Variants in PXDNL observed in about 807,000 individuals in gnomAD.
PXDNL encodes peroxidasin like.
In PXDNL, 145 loss-of-function variants were observed where a neutral mutation model predicts 150.8. That is an observed-to-expected ratio of 0.96 (90% CI 0.84 to 1.10). The LOEUF (loss-of-function observed/expected upper bound fraction) is 1.10, where lower values mean the gene tolerates loss of function less well. Ranked by LOEUF, PXDNL falls within the 50% of genes least tolerant of loss-of-function variation. PXDNL has a pLI of 0.00. For missense variants in PXDNL, 2,087 were observed against 1,873.9 expected (o/e 1.11, Z -2.10); for synonymous variants, 757 against 725.7 (o/e 1.04, Z -0.69).
At chr8:51,509,775 A>C (rs1275398511) in intron 4 of PXDNL, among the ~76,000 whole-genome samples, 1 of 135,064 alleles carries the variant, frequency 7.4e-6, no homozygotes. Context: ...CACACACACA[A>C]ATATATACAC....
intron 13 of PXDNL, 128 bp from the exon 14 acceptor site, chr8:51,423,859 G>A (rs1809020873): frequency 1.4e-6 from 1 of 734,390 alleles, no homozygotes; most frequent in South Asian, 2.6e-5. Flanking sequence ...GTCAAGTACT[G>A]GAGGAGATAC....
chr8:51,325,028 G>A (rs112492853), intron 21 of PXDNL, among the ~76,000 whole-genome samples: 2,976 of 152,144 alleles, frequency 0.02, 48 homozygotes, highest in South Asian at 0.04. Flanking sequence ...ACCACACCCG[G>A]CTAATTTTTG....
chr8:51,742,918 T>C (rs1307187098), intron 1 of PXDNL, among the ~76,000 whole-genome samples: 1 of 152,180 alleles, frequency 6.6e-6, no homozygotes, highest in East Asian at 1.9e-4. Flanking sequence ...TTTGGAATCA[T>C]TGGAGCCTGT....
rs191712379 is a variant in PXDNL at position 51,506,821 on chromosome 8, A to C, written c.381-7051T>G. 2.1e-3 allele frequency among the ~76,000 whole-genome samples: 322 copies of C among 152,262 alleles called. 1 individual carries two copies. The highest frequency in any genetic ancestry group is 7.0e-3 in the African/African-American group (292 of 41,554). ...TCATCAATGTCTTCTCACTGTCTTT[A>C]GCAGGAATTCAAGGCTTTTCAAGAT... On this transcript the variant is annotated intron_variant, in intron 4 of 22. Coordinates refer to ENST00000356297, the MANE Select transcript of PXDNL (RefSeq NM_144651.5).
At chr8:51,694,380 A>G (rs893347882) in intron 1 of PXDNL, among the ~76,000 whole-genome samples, 4 of 152,156 alleles carry the variant, frequency 2.6e-5, no homozygotes, top group African/African-American at 9.7e-5. Context: ...CAAAAAAAAA[A>G]AGGGTTTCAC....
At chr8:51,645,134 G>A (rs1182058477) in intron 2 of PXDNL, among the ~76,000 whole-genome samples, 1 of 152,084 alleles carries the variant, frequency 6.6e-6, no homozygotes, top group African/African-American at 2.4e-5. Flanking sequence ...TGAAGTCTGA[G>A]AGCCAGGAGA....
At chr8:51,432,167 A>G (rs1809264024) in intron 12 of PXDNL, among the ~76,000 whole-genome samples, 1 of 152,162 alleles carries the variant, frequency 6.6e-6, no homozygotes, top group Non-Finnish European at 1.5e-5. Flanking sequence ...AGGGTGATGT[A>G]AAGATGTAAT....
intron 2 of PXDNL, among the ~76,000 whole-genome samples, chr8:51,594,000 C>CA (rs1813506525): frequency 5.3e-5 from 8 of 152,284 alleles, no homozygotes; most frequent in African/African-American, 1.9e-4. Flanking sequence ...CAAACCTTGT[C>CA]CTGGGAGAAT....
chr8:51,479,904 C>G (rs1810563632), intron 6 of PXDNL, among the ~76,000 whole-genome samples: 1 of 152,032 alleles, frequency 6.6e-6, no homozygotes, highest in African/African-American at 2.4e-5. Flanking sequence ...ATGACCATAT[C>G]CAAGACTTTT....
intron 1 of PXDNL, among the ~76,000 whole-genome samples, chr8:51,713,690 A>C (rs1816546531): frequency 6.6e-6 from 1 of 152,242 alleles, no homozygotes; most frequent in Non-Finnish European, 1.5e-5. Context: ...AAAGTAGAAA[A>C]AAAATTCAAT....
intron 1 of PXDNL, among the ~76,000 whole-genome samples, chr8:51,670,131 G>A (rs1481493860): frequency 6.6e-6 from 1 of 151,938 alleles, no homozygotes; most frequent in South Asian, 2.1e-4. Context: ...CCAGCTACTC[G>A]GGCAGCTGAG....
At chr8:51,366,293 A>T (rs578143194) in intron 19 of PXDNL, among the ~76,000 whole-genome samples, 2 of 152,316 alleles carry the variant, frequency 1.3e-5, no homozygotes, top group Non-Finnish European at 2.9e-5. Context: ...AAGGCAGCCA[A>T]CTCTTCAAAT....
Position 51,326,654 on chromosome 8 carries a change from A to C in PXDNL, c.4147-5757T>G, listed in dbSNP as rs117223124. Among the ~76,000 whole-genome samples, 1,428 of 152,028 alleles carry C rather than the reference A, an allele frequency of 9.4e-3. 11 individuals are homozygous for C. The highest frequency in any genetic ancestry group is 0.015 in the Non-Finnish European group (1,026 of 68,030). On this transcript the variant is annotated intron_variant, in intron 21 of 22. Coordinates refer to ENST00000356297, the MANE Select transcript of PXDNL (RefSeq NM_144651.5). ...TAGATTTCCTAAGGATATATAATCA[A>C]AAGTGTAGCCTTCTCAGCCTCACTG...
At chr8:51,768,044 T>C (rs2037250517) in intron 1 of PXDNL, among the ~76,000 whole-genome samples, 1 of 152,236 alleles carries the variant, frequency 6.6e-6, no homozygotes, top group Admixed American at 6.5e-5. Context: ...AGAGTTACCA[T>C]GGCTGTGAAG....
intron 21 of PXDNL, among the ~76,000 whole-genome samples, chr8:51,326,738 T>C (rs1262181964): frequency 6.6e-6 from 1 of 152,148 alleles, no homozygotes; most frequent in Non-Finnish European, 1.5e-5. Flanking sequence ...GATTGCATCA[T>C]TGTTCTGCAT....
At chr8:51,426,921 CA>C (rs1236845545) in intron 12 of PXDNL, among the ~76,000 whole-genome samples, 163 bp from the exon 13 acceptor site, 1 of 152,174 alleles carries the variant, frequency 6.6e-6, no homozygotes, top group African/African-American at 2.4e-5. Flanking sequence ...GCATCACACC[CA>C]GGCTGGCGGC....
At chr8:51,566,342 T>C (rs1812828676) in intron 3 of PXDNL, among the ~76,000 whole-genome samples, 1 of 151,876 alleles carries the variant, frequency 6.6e-6, no homozygotes, top group Admixed American at 6.6e-5. Context: ...TCTGTTTTTC[T>C]GGAACAAATT....
intron 3 of PXDNL, among the ~76,000 whole-genome samples, chr8:51,568,496 G>A (rs1220031680): frequency 6.6e-6 from 1 of 151,754 alleles, no homozygotes; most frequent in East Asian, 1.9e-4. Context: ...TTCCTATACA[G>A]GTAAGGTGTT....
chr8:51,409,116 G>T lies in PXDNL; in HGVS notation c.2508C>A (p.Cys836Ter). 6.2e-7 allele frequency: 1 copy of T among 1,608,140 alleles called. No individual in the cohort carries two copies. Among genetic ancestry groups the T allele is most frequent in the Non-Finnish European group, 8.5e-7 (1 of 1,179,280 alleles). The change falls in exon 17 of 23, where the codon TGC (cysteine) becomes TGA (stop). Residue 836 changes from cysteine to a stop codon, truncating the protein, a stop_gained. Coordinates refer to ENST00000356297, the MANE Select transcript of PXDNL (RefSeq NM_144651.5). LOFTEE classifies it high-confidence loss of function. ...TGGGGAAACAAGGAGGGTCGTTGGT[G>T]CAGACGGAGCTGCACGGCCGCCCAT... The part of the protein sequence containing the change: ...FSDGRPCSSV[C>*]TNDPPCFPMN...
Sources: gnomAD v4.1 joint callset for allele counts (sites outside exome capture counted in the v4.1 genomes callset) on GRCh38, gnomAD v4.1.1 for gene constraint, MANE v1.5 for transcripts, NCBI Gene and HGNC (gene_info 2026-07-23, HGNC 2026-07-21) for gene names.